UNC13C: variants seen among roughly 807,000 people sequenced by gnomAD.
UNC13C encodes the protein protein unc-13 homolog C.
A neutral mutation model predicts 245.4 loss-of-function variants in UNC13C; 174 were observed. That is an observed-to-expected ratio of 0.71 (90% CI 0.63 to 0.80). UNC13C has a LOEUF of 0.80. Ranked by LOEUF, UNC13C falls within the 30% of genes least tolerant of loss-of-function variation. The pLI is 0.00. For synonymous variants in UNC13C, 992 were observed against 895.1 expected (o/e 1.11, Z -1.93); for missense variants, 2,829 against 2,602.9 (o/e 1.09, Z -1.89).
intron 10 of UNC13C, among the ~76,000 whole-genome samples, chr15:54,289,110 T>G (rs2037225265): frequency 6.6e-6 from 1 of 152,066 alleles, no homozygotes; most frequent in Admixed American, 6.6e-5. Context: ...CTGGCTTTTC[T>G]CAACCCTGCA....
At chr15:54,504,071 T>G (rs1567333961) in intron 22 of UNC13C, among the ~76,000 whole-genome samples, 1 of 152,084 alleles carries the variant, frequency 6.6e-6, no homozygotes, top group Non-Finnish European at 1.5e-5. Flanking sequence ...CTATGATGAG[T>G]GATAAAATGG....
chr15:54,328,694 T>G (rs1026273771), intron 14 of UNC13C, among the ~76,000 whole-genome samples: 1 of 152,080 alleles, frequency 6.6e-6, no homozygotes, highest in African/African-American at 2.4e-5. Context: ...GGGAACTTCC[T>G]GAAGGTGCAC....
chr15:53,917,635 G>T, the UNC13C span, among the ~76,000 whole-genome samples: 2 of 151,980 alleles, frequency 1.3e-5, no homozygotes, highest in African/African-American at 2.4e-5. Context: ...TGACACAAAG[G>T]GCCTCTTTTC....
At chr15:54,487,893 G>A (rs1344428334) in intron 19 of UNC13C, among the ~76,000 whole-genome samples, 1 of 151,288 alleles carries the variant, frequency 6.6e-6, no homozygotes, top group Non-Finnish European at 1.5e-5. Flanking sequence ...TGGTCCAGAT[G>A]ATTTTTCCTG....
At chr15:53,903,977 G>A in the UNC13C span, among the ~76,000 whole-genome samples, 1 of 152,188 alleles carries the variant, frequency 6.6e-6, no homozygotes, top group Non-Finnish European at 1.5e-5. Context: ...GTGACATTGT[G>A]CAGGGACATA....
intron 19 of UNC13C, among the ~76,000 whole-genome samples, chr15:54,433,762 G>C (rs1324494868): frequency 1.3e-5 from 2 of 151,852 alleles, no homozygotes. Context: ...AGAAATGAAG[G>C]GTATTCAAAT....
chr15:54,079,021 C>T (rs968373000), intron 2 of UNC13C, among the ~76,000 whole-genome samples: 1 of 152,114 alleles, frequency 6.6e-6, no homozygotes, highest in Non-Finnish European at 1.5e-5. Context: ...TTTTAGTCTT[C>T]TGCATGTGTC....
the UNC13C span, among the ~76,000 whole-genome samples, chr15:53,898,697 G>A: frequency 6.6e-6 from 1 of 152,064 alleles, no homozygotes; most frequent in East Asian, 1.9e-4. Context: ...TGTACAATAT[G>A]ATAATTTGAT....
chr15:54,480,077 T>G (rs72736601), intron 19 of UNC13C, among the ~76,000 whole-genome samples: 19,205 of 152,100 alleles, frequency 0.13, 1,332 homozygotes, highest in Non-Finnish European at 0.17. Context: ...TGAGTTGACT[T>G]TTTCCTTACT....
chr15:54,227,285 T>A (rs1477699343), intron 4 of UNC13C, among the ~76,000 whole-genome samples: 2 of 152,108 alleles, frequency 1.3e-5, no homozygotes, highest in African/African-American at 4.8e-5. Flanking sequence ...AAAAGCACCA[T>A]AAGTTCTCAC....
upstream of UNC13C, among the ~76,000 whole-genome samples, chr15:53,973,760 G>A (rs939277219): frequency 6.6e-6 from 1 of 152,080 alleles, no homozygotes; most frequent in Non-Finnish European, 1.5e-5. Context: ...ACAACAGAAT[G>A]AAAGTATAGA....
chr15:54,206,178 A>C (rs2034701930), intron 4 of UNC13C, among the ~76,000 whole-genome samples: 1 of 152,034 alleles, frequency 6.6e-6, no homozygotes, highest in Non-Finnish European at 1.5e-5. Flanking sequence ...CCTTCCTAAA[A>C]ATATTTATAG....
chr15:54,535,931 C>G (rs1895964517), intron 26 of UNC13C, among the ~76,000 whole-genome samples: 1 of 151,862 alleles, frequency 6.6e-6, no homozygotes, highest in Non-Finnish European at 1.5e-5. Flanking sequence ...GCTAGGAAAA[C>G]AAGAGTAAAT....
At chr15:54,330,887 T>C (rs947603551) in intron 14 of UNC13C, among the ~76,000 whole-genome samples, 4 of 152,056 alleles carry the variant, frequency 2.6e-5, no homozygotes, top group African/African-American at 9.7e-5. Context: ...AGGGCTCATT[T>C]CTTAGGCTCC....
intron 2 of UNC13C, among the ~76,000 whole-genome samples, chr15:54,081,213 T>C (rs1233772435): frequency 6.6e-6 from 1 of 152,028 alleles, no homozygotes; most frequent in African/African-American, 2.4e-5. Context: ...AGATTTGCCT[T>C]ATGACCATTT....
At chr15:54,006,346 C>A (rs1015042096) in intron 1 of UNC13C, among the ~76,000 whole-genome samples, 13 of 152,168 alleles carry the variant, frequency 8.5e-5, no homozygotes, top group African/African-American at 3.1e-4. Context: ...ATTTGACTTT[C>A]ATTCTTGGGA....
chr15:54,259,149 C>G (rs1363278460), intron 8 of UNC13C, among the ~76,000 whole-genome samples: 1 of 152,204 alleles, frequency 6.6e-6, no homozygotes, highest in African/African-American at 2.4e-5. Context: ...AGCTACTTCC[C>G]AAAGGCCTCA....
chr15:54,078,849 A>G (rs1480421868), intron 2 of UNC13C, among the ~76,000 whole-genome samples: 1 of 151,876 alleles, frequency 6.6e-6, no homozygotes, highest in Admixed American at 6.6e-5. Context: ...TTTCTGTCGC[A>G]TTTACTTTTG....
intron 4 of UNC13C, among the ~76,000 whole-genome samples, chr15:54,147,053 T>G (rs756716355): frequency 1.3e-5 from 2 of 152,090 alleles, no homozygotes; most frequent in Admixed American, 1.3e-4. Context: ...TGGGAGCAGC[T>G]TGGGGAGGGT....
Sources: allele counts gnomAD v4.1 joint callset (sites outside exome capture counted in the v4.1 genomes callset), GRCh38; gene constraint gnomAD v4.1.1; transcripts MANE v1.5; gene names NCBI Gene and HGNC (gene_info 2026-07-23, HGNC 2026-07-21).